The following GARS1 variants were observed in gnomAD, a reference collection of about 807,000 sequenced individuals.
GARS1 encodes glycyl-tRNA synthetase 1.
In GARS1, 46 loss-of-function variants were observed where a neutral mutation model predicts 86.4. The observed-to-expected ratio is 0.53, with a 90% CI of 0.42 to 0.68. The LOEUF is 0.68. Among genes scored for constraint, GARS1 ranks in the 30% least tolerant of loss-of-function variants. GARS1 has a pLI of 0.00. For missense variants in GARS1, 797 were observed against 915.6 expected, an observed-to-expected ratio of 0.87 and a Z score of 1.67; for synonymous variants, 342 against 329.8, an observed-to-expected ratio of 1.04 and a Z score of -0.40.
chr7:30,625,782 G>A (rs1228272376), intron 12 of GARS1, among the ~76,000 whole-genome samples: 3 of 152,186 alleles, frequency 2.0e-5, no homozygotes, highest in Non-Finnish European at 4.4e-5. Context: ...TGAAAATAGT[G>A]TGGGTATTGG....
chr7:30,615,798 T>G, intron 8 of GARS1, 98 bp from the exon 9 acceptor site: 1 of 1,365,868 alleles, frequency 7.3e-7, no homozygotes, highest in Non-Finnish European at 1.0e-6. Context: ...ATGGAGCCTT[T>G]ATCACTAGAA....
chr7:30,617,187 C>T lies in GARS1; in HGVS notation c.1268C>T (p.Ser423Phe), dbSNP rs774169230. The T allele has an allele frequency of 1.9e-5, 30 of 1,613,926 alleles. No homozygotes were observed. The Admixed American group carries it at 2.8e-4, about 15-fold the overall frequency. The change falls in exon 10 of 17, where the codon TCT becomes TTT. Residue 423 changes from serine to phenylalanine, a missense_variant. This residue lies in a region of GARS1 where 598 missense variants were observed against 738.7 expected (regional missense o/e 0.81). Coordinates refer to ENST00000389266, the MANE Select transcript of GARS1 (RefSeq NM_002047.4). Reference protein sequence around the residue: ...IYLYLTKVGISPDKLRFRQHM... With the variant: ...IYLYLTKVGIFPDKLRFRQHM... ...CTCTACCTCACGAAGGTTGGAATAT[C>T]TCCAGATAAACTCCGCTTCCGGCAG...
intron 4 of GARS1, 28 bp from the exon 5 acceptor site, chr7:30,603,006 C>A: frequency 6.7e-7 from 1 of 1,487,716 alleles, no homozygotes; most frequent in Non-Finnish European, 9.4e-7. Context: ...ATGAGAATGA[C>A]AAATTGGGTT....
chr7:30,599,947 G>C lies in GARS1; in HGVS notation c.325G>C (p.Glu109Gln). ...KARKRVLEAK[E>Q]LALQPKDDIV... ...TCACTTTTTATTTAATCTCTAACAG[G>C]AGCTGGCGTTACAGCCCAAAGATGA... Residue 109 changes from glutamate to glutamine, a missense_variant and splice_region_variant, in exon 3 of 17, where the codon GAG becomes CAG. By Grantham distance (29) the Glu-to-Gln change is conservative. Coordinates refer to ENST00000389266, the MANE Select transcript of GARS1 (RefSeq NM_002047.4). The C allele has an allele frequency of 6.2e-7, 1 of 1,608,754 alleles. No homozygotes were observed. The highest frequency in any genetic ancestry group is 8.5e-7 in the Non-Finnish European group (1 of 1,175,504).
intron 6 of GARS1, among the ~76,000 whole-genome samples, chr7:30,603,990 C>G (rs920974093): frequency 1.3e-5 from 2 of 152,294 alleles, no homozygotes; most frequent in Middle Eastern, 3.4e-3. Context: ...CTTAGAACCT[C>G]ATGAGCAGGT....
At chr7:30,629,948 A>G (rs1486326737) in intron 14 of GARS1, among the ~76,000 whole-genome samples, 1 of 152,274 alleles carries the variant, frequency 6.6e-6, no homozygotes, top group African/African-American at 2.4e-5. Flanking sequence ...GAATCTAACA[A>G]TATTAATATA....
Position 30,633,896 on chromosome 7 carries a change from TAAAAA to T in GARS1, c.*47_*51del. On this transcript the variant is annotated 3_prime_UTR_variant, in exon 17 of 17. Transcript: ENST00000389266. ...GACAACTTTTGACCACTTGCGCTAA[TAAAAA>T]AAAAAAAAAACTACTCTTATGTCCA... 2.3e-6 allele frequency: 3 copies of T among 1,316,570 alleles called. No homozygotes were observed. Among genetic ancestry groups the T allele is most frequent in the Admixed American group, 2.1e-5 (1 of 48,338 alleles). 81.6% of individuals were successfully genotyped at this position (1,316,570 alleles called of 1,614,324 possible).
intron 8 of GARS1, among the ~76,000 whole-genome samples, chr7:30,615,042 A>C (rs985593180): frequency 2.0e-5 from 3 of 152,200 alleles, no homozygotes; most frequent in African/African-American, 7.2e-5. Flanking sequence ...TCATAAAATT[A>C]ACTTGAAACA....
chr7:30,608,088 G>C (rs979491394), intron 6 of GARS1, among the ~76,000 whole-genome samples: 1 of 152,150 alleles, frequency 6.6e-6, no homozygotes, highest in African/African-American at 2.4e-5. Flanking sequence ...GTTGTCCACT[G>C]CTGGACATTT....
intron 10 of GARS1, among the ~76,000 whole-genome samples, chr7:30,621,054 C>CTTTT (rs749336250): frequency 1.6e-5 from 2 of 128,736 alleles, no homozygotes; most frequent in Non-Finnish European, 3.4e-5. Context: ...TTTTTTCTTT[C>CTTTT]TTTTTTTTTT....
At chr7:30,598,245 A>G (rs542938640) in intron 1 of GARS1, among the ~76,000 whole-genome samples, 2 of 152,210 alleles carry the variant, frequency 1.3e-5, no homozygotes, top group East Asian at 3.9e-4. Flanking sequence ...TCTATACCCA[A>G]AGGAAAAAAT....
intron 1 of GARS1, among the ~76,000 whole-genome samples, chr7:30,595,665 TC>T (rs1276956554): frequency 6.6e-6 from 1 of 152,200 alleles, no homozygotes; most frequent in Non-Finnish European, 1.5e-5. Flanking sequence ...TGATAGTGTT[TC>T]CCCCTTAACA....
chr7:30,598,928 A>AAGT, intron 2 of GARS1, 31 bp downstream of exon 2: 1 of 1,501,672 alleles, frequency 6.7e-7, no homozygotes, highest in Non-Finnish European at 9.3e-7. Context: ...ATAGGAACAT[A>AAGT]AGTAGGTATA....
At chr7:30,630,274 T>C (rs777781576) in intron 14 of GARS1, among the ~76,000 whole-genome samples, 1 of 152,214 alleles carries the variant, frequency 6.6e-6, no homozygotes, top group Non-Finnish European at 1.5e-5. Flanking sequence ...AGCAGCCATA[T>C]TGGTGGAATA....
At chr7:30,631,330 T>G (rs1783230949) in intron 14 of GARS1, 118 bp from the exon 15 acceptor site, 1 of 743,718 alleles carries the variant, frequency 1.3e-6, no homozygotes, top group Admixed American at 2.0e-5. Context: ...TCTGGCATTT[T>G]GGTAATGACG....
At chr7:30,601,688 A>G (rs1037210911) in intron 4 of GARS1, among the ~76,000 whole-genome samples, 6 of 152,348 alleles carry the variant, frequency 3.9e-5, no homozygotes, top group South Asian at 4.1e-4. Context: ...GTATACTTGT[A>G]GAGATTTTCA....
In GARS1 at chr7:30,615,948, C is replaced by T. The variant is rs746728596; in HGVS notation, c.1084C>T (p.His362Tyr). ...CTTTGTAGATCCCAGTGAGAAAGAC[C>T]ACCCCAAGTTCCAGAATGTGGCAGA... Reference protein sequence around the residue: ...EHFVDPSEKDHPKFQNVADLH... With the variant: ...EHFVDPSEKDYPKFQNVADLH... Residue 362 changes from histidine to tyrosine, a missense_variant, in exon 9 of 17, where the codon CAC (histidine) becomes TAC (tyrosine). His to Tyr is a moderately conservative substitution (Grantham distance 83). Transcript: ENST00000389266. 4 of 1,614,056 alleles carry T rather than the reference C, an allele frequency of 2.5e-6. No homozygotes were observed. The highest frequency in any genetic ancestry group is 2.5e-6 in the Non-Finnish European group (3 of 1,179,998).
At chr7:30,600,251 A>G (rs915900068) in intron 3 of GARS1, among the ~76,000 whole-genome samples, 2 of 152,158 alleles carry the variant, frequency 1.3e-5, no homozygotes, top group African/African-American at 4.8e-5. Context: ...CCTGGACAGC[A>G]CTTTTTTTGA....
rs774120116 is a variant in GARS1, at chr7:30,632,368, C to T, written c.2025C>T (p.Asp675=). ...CTTTTGGTGTCACCATTGACTTTGA[C>T]ACAGTGAACAAGACCCCCCACACTG... ...GVAFGVTIDF[D]TVNKTPHTAT... is the part of the protein sequence containing the mutation. Residue 675 remains aspartate, a synonymous_variant, in exon 16 of 17, where the codon GAC becomes GAT. Coordinates refer to ENST00000389266, the MANE Select transcript of GARS1 (RefSeq NM_002047.4). This position sits in a 1 kb window ranked among gnomAD's most constrained non-coding sequence, Gnocchi z 4.1. 1.2e-6 allele frequency: 2 copies of T among 1,614,148 alleles called. No homozygotes were observed. Among genetic ancestry groups the T allele is most frequent in the South Asian group, 1.1e-5 (1 of 91,076 alleles).
Sources: gnomAD v4.1 joint callset for allele counts (sites outside exome capture counted in the v4.1 genomes callset) on GRCh38, gnomAD v4.1.1 for gene constraint, gnomAD v4.1.1 regional missense constraint, Gnocchi (gnomAD v3.1) non-coding constraint, MANE v1.5 for transcripts, NCBI Gene and HGNC (gene_info 2026-07-23, HGNC 2026-07-21) for gene names.